Variants in ANKRD11 observed in about 807,000 individuals in gnomAD.
The protein encoded by ANKRD11 is ankyrin repeat domain 11, also known as ankyrin repeat domain-containing protein 11.
ANKRD11 carries 17 observed loss-of-function variants against 195.7 expected under a neutral mutation model. The observed-to-expected ratio is 0.09, with a 90% CI of 0.06 to 0.13. The LOEUF is 0.13. Among genes scored for constraint, ANKRD11 ranks in the 10% least tolerant of loss-of-function variants. The pLI is 1.00. For synonymous variants in ANKRD11, 1,953 were observed against 1,528.1 expected (o/e 1.28, Z -6.49); for missense variants, 3,735 against 3,566.1 (o/e 1.05, Z -1.21).
chr16:89,440,963 C>A (rs1375888981), intron 1 of ANKRD11, among the ~76,000 whole-genome samples: 2 of 152,200 alleles, frequency 1.3e-5, no homozygotes, highest in East Asian at 3.8e-4. Context: ...TGCGGCCAGA[C>A]ACAGTGGCTC....
intron 2 of ANKRD11, among the ~76,000 whole-genome samples, chr16:89,343,377 C>T (rs982376129): frequency 8.5e-5 from 13 of 152,188 alleles, no homozygotes; most frequent in Non-Finnish European, 1.5e-5. Flanking sequence ...ACTTTAATTG[C>T]TTAAACTGAA....
In ANKRD11 at chr16:89,400,791, C is replaced by A. The variant is rs11076601; in HGVS notation, c.-60+17493G>T. ...GCCCCAGGCTTCCCTGCGCTGGGGGCCGGTCATCTGCTGCCCCAGGCTTCC... is the reference window on the plus strand; with the variant it reads ...GCCCCAGGCTTCCCTGCGCTGGGGGACGGTCATCTGCTGCCCCAGGCTTCC... On this transcript the variant is annotated intron_variant, in intron 2 of 12. Coordinates refer to ENST00000301030, the MANE Select transcript of ANKRD11 (RefSeq NM_013275.6). 9.6e-3 allele frequency among the ~76,000 whole-genome samples: 887 copies of A among 92,814 alleles called. 5 individuals carry two copies. The highest frequency in any genetic ancestry group is 0.051 in the Middle Eastern group (6 of 118). 60.9% of individuals were successfully genotyped at this position (92,814 alleles called of 152,430 possible).
At chr16:89,402,301 G>A (rs1230142616) in intron 2 of ANKRD11, among the ~76,000 whole-genome samples, 1 of 152,166 alleles carries the variant, frequency 6.6e-6, no homozygotes, top group Non-Finnish European at 1.5e-5. Context: ...GCTTGTCTCA[G>A]CGATACTAAT....
chr16:89,488,612 T>C (rs1468327929), intron 1 of ANKRD11, among the ~76,000 whole-genome samples: 1 of 152,184 alleles, frequency 6.6e-6, no homozygotes, highest in Non-Finnish European at 1.5e-5. Flanking sequence ...ATTTTGAACG[T>C]TATGCCATAG....
intron 2 of ANKRD11, among the ~76,000 whole-genome samples, chr16:89,357,441 G>A (rs74033780): frequency 9.3e-4 from 141 of 151,712 alleles, no homozygotes; most frequent in African/African-American, 3.3e-3. Context: ...TGGTGCAACT[G>A]CCAAAAAAAA....
chr16:89,297,114 C>A (rs941275378), intron 4 of ANKRD11, among the ~76,000 whole-genome samples: 1 of 152,212 alleles, frequency 6.6e-6, no homozygotes, highest in Middle Eastern at 3.2e-3. Flanking sequence ...GCCCCAGGGA[C>A]GTGGAGGTGT....
intron 1 of ANKRD11, among the ~76,000 whole-genome samples, chr16:89,442,495 C>G (rs911230249): frequency 1.1e-4 from 17 of 152,294 alleles, no homozygotes; most frequent in Admixed American, 7.8e-4. Flanking sequence ...ACAGCTTCCC[C>G]CACACGCTGT....
intron 2 of ANKRD11, among the ~76,000 whole-genome samples, chr16:89,330,556 G>A (rs890556042): frequency 1.3e-5 from 2 of 151,610 alleles, no homozygotes; most frequent in African/African-American, 4.8e-5. Flanking sequence ...TGATGGGGTG[G>A]TGTGGGGGGG....
rs781323579 is a variant in ANKRD11 at position 89,283,859 on chromosome 16, G to A, written c.2683C>T (p.Arg895Trp). Residue 895 changes from arginine (R) to tryptophan (W), a missense_variant, in exon 9 of 13, where the codon CGG becomes TGG. Arg to Trp is a moderately radical substitution (Grantham distance 101). Coordinates refer to ENST00000301030, the MANE Select transcript of ANKRD11 (RefSeq NM_013275.6). The surrounding 1 kb of genome is among the most constrained non-coding windows in gnomAD (Gnocchi z 4.3). The part of the protein sequence containing the change: ...SKERRRDSRA[R>W]EKRDYREPFF... ...GGCTCTCTGTAGTCTCGCTTCTCCCGGGCCCGGCTGTCCCGCCTCCTCTCC... is the reference window on the plus strand; with the variant it reads ...GGCTCTCTGTAGTCTCGCTTCTCCCAGGCCCGGCTGTCCCGCCTCCTCTCC... 9.3e-6 allele frequency: 15 copies of A among 1,613,838 alleles called. No homozygotes were observed. Among genetic ancestry groups the A allele is most frequent in the African/African-American group, 5.3e-5 (4 of 74,840 alleles).
chr16:89,303,914 C>T (rs1344145918), intron 4 of ANKRD11, among the ~76,000 whole-genome samples: 3 of 152,222 alleles, frequency 2.0e-5, no homozygotes, highest in African/African-American at 4.8e-5. Context: ...GCTCTCAAGC[C>T]CGCATCCTGG....
intron 2 of ANKRD11, among the ~76,000 whole-genome samples, chr16:89,382,114 G>A (rs1025913468): frequency 5.9e-5 from 9 of 151,942 alleles, no homozygotes; most frequent in Admixed American, 4.6e-4. Flanking sequence ...AGGGGGACGC[G>A]GCCTCCCAGC....
intron 2 of ANKRD11, among the ~76,000 whole-genome samples, chr16:89,405,874 C>G (rs1399663107): frequency 6.6e-6 from 1 of 152,068 alleles, no homozygotes; most frequent in Admixed American, 6.6e-5. Flanking sequence ...ACTTTGGGAG[C>G]CAACGCCGGC....
intron 1 of ANKRD11, among the ~76,000 whole-genome samples, chr16:89,479,103 A>G (rs559365470): frequency 6.6e-6 from 1 of 152,174 alleles, no homozygotes; most frequent in African/African-American, 2.4e-5. Context: ...GTTCCTGTGG[A>G]CAGCAGTCCC....
chr16:89,361,029 C>G (rs2039706880), intron 2 of ANKRD11, among the ~76,000 whole-genome samples: 1 of 152,218 alleles, frequency 6.6e-6, no homozygotes, highest in Non-Finnish European at 1.5e-5. Context: ...GACTCCAAAC[C>G]TGGGCAGCCC....
At chr16:89,488,450 C>G (rs184346436) in intron 1 of ANKRD11, among the ~76,000 whole-genome samples, 223 of 151,524 alleles carry the variant, frequency 1.5e-3, no homozygotes, top group African/African-American at 5.2e-3. Flanking sequence ...GCCCCCCCCC[C>G]TTTTTTTCTA....
chr16:89,487,735 C>A (rs2057668073), intron 1 of ANKRD11, among the ~76,000 whole-genome samples: 2 of 152,090 alleles, frequency 1.3e-5, no homozygotes. Context: ...GATTGCGCCA[C>A]TGCACTCCAG....
At chr16:89,417,676 C>A (rs187009732) in intron 2 of ANKRD11, among the ~76,000 whole-genome samples, 15 of 152,232 alleles carry the variant, frequency 9.9e-5, no homozygotes, top group African/African-American at 3.6e-4. Context: ...AGCACTATGC[C>A]CAGAAGCACA....
chr16:89,422,564 C>T (rs1421535240), intron 1 of ANKRD11, among the ~76,000 whole-genome samples: 2 of 152,146 alleles, frequency 1.3e-5, no homozygotes, highest in African/African-American at 2.4e-5. Flanking sequence ...ACGATATTCG[C>T]GCTGACCCAA....
At chr16:89,324,379 G>A (rs2037565026) in intron 2 of ANKRD11, 1 of 713,004 alleles carries the variant, frequency 1.4e-6, no homozygotes, top group Non-Finnish European at 2.2e-6. Context: ...GCGGCACGTG[G>A]GCGCAAAGTT....
Sources: gnomAD v4.1 joint callset for allele counts (sites outside exome capture counted in the v4.1 genomes callset) on GRCh38, gnomAD v4.1.1 for gene constraint, Gnocchi (gnomAD v3.1) non-coding constraint, MANE v1.5 for transcripts, NCBI Gene and HGNC (gene_info 2026-07-23, HGNC 2026-07-21) for gene names.